The following PDE8A variants were observed in gnomAD, a reference collection of about 807,000 sequenced individuals.
PDE8A encodes the protein phosphodiesterase 8A.
In PDE8A, 59 loss-of-function variants were observed where a neutral mutation model predicts 105.0. That is an observed-to-expected ratio of 0.56 (90% CI 0.46 to 0.70). PDE8A has a LOEUF of 0.70. PDE8A is among the 30% of genes least tolerant of loss of function. The pLI is 0.00. For synonymous variants in PDE8A, 355 were observed against 371.9 expected (o/e 0.95, Z 0.52); for missense variants, 1,014 against 1,045.9 (o/e 0.97, Z 0.42).
At chr15:85,121,837 T>C (rs988414607) in intron 18 of PDE8A, among the ~76,000 whole-genome samples, 1 of 152,210 alleles carries the variant, frequency 6.6e-6, no homozygotes, top group Non-Finnish European at 1.5e-5. Flanking sequence ...CTCTATAGAT[T>C]TGCCATTTCT....
At chr15:85,031,700 T>C (rs2080617871) in intron 1 of PDE8A, among the ~76,000 whole-genome samples, 1 of 152,156 alleles carries the variant, frequency 6.6e-6, no homozygotes, top group Admixed American at 6.5e-5. Flanking sequence ...TCCTACTTTA[T>C]AGAGTTGATG....
intron 1 of PDE8A, among the ~76,000 whole-genome samples, chr15:84,996,279 G>A (rs547471118): frequency 1.8e-4 from 27 of 152,110 alleles, no homozygotes; most frequent in South Asian, 1.2e-3. Context: ...TTGGACTCAA[G>A]TGATCCTCCC....
At chr15:85,136,430 G>A in intron 20 of PDE8A, 104 bp from the exon 21 acceptor site, 1 of 1,254,002 alleles carries the variant, frequency 8.0e-7, no homozygotes, top group Non-Finnish European at 1.1e-6. Flanking sequence ...ACCATGACAA[G>A]CCACCTTAGG....
intron 1 of PDE8A, among the ~76,000 whole-genome samples, chr15:85,057,817 A>G (rs1412190702): frequency 6.6e-6 from 1 of 152,108 alleles, no homozygotes; most frequent in African/African-American, 2.4e-5. Context: ...TTTGTCCTTT[A>G]TTCTGTACAA....
intron 1 of PDE8A, among the ~76,000 whole-genome samples, chr15:84,983,401 C>T (rs2142134126): frequency 6.6e-6 from 1 of 152,242 alleles, no homozygotes; most frequent in South Asian, 2.1e-4. Context: ...GCTGAACCTC[C>T]GAAGTTTGAG....
At chr15:85,048,963 G>GT (rs1443817291) in intron 1 of PDE8A, among the ~76,000 whole-genome samples, 3 of 152,134 alleles carry the variant, frequency 2.0e-5, no homozygotes, top group African/African-American at 7.2e-5. Context: ...TTAGCCAGGC[G>GT]TGGTGGCTCA....
Position 85,024,795 on chromosome 15 carries a change from A to G in PDE8A, c.187-39575A>G, listed in dbSNP as rs1220267465. ...TGTTCATTCTAGTTTCTCTGCTTCT[A>G]GTGTGTCTCATGCTGGTGTTTGTTG... On this transcript the variant is annotated intron_variant, in intron 1 of 21. Coordinates refer to ENST00000394553, the MANE Select transcript of PDE8A (RefSeq NM_002605.3). Among the ~76,000 whole-genome samples the G allele has an allele frequency of 2.6e-5, 4 of 152,184 alleles. No individual in the cohort carries two copies. The South Asian group carries it at 6.2e-4, about 24-fold the overall frequency.
At position 85,088,304 on chromosome 15, in the gene PDE8A, C is replaced by T. The variant is rs976993973; in HGVS notation, c.636-1034C>T. On this transcript the variant is annotated intron_variant, in intron 6 of 21. Coordinates refer to ENST00000394553, the MANE Select transcript of PDE8A (RefSeq NM_002605.3). ...CCTCCCAAAGTGTTGGGATTAGGGGCATGAGCCACTACCCCCAGCCCAATC... is the reference window on the plus strand; with the variant it reads ...CCTCCCAAAGTGTTGGGATTAGGGGTATGAGCCACTACCCCCAGCCCAATC... 5.3e-5 allele frequency among the ~76,000 whole-genome samples: 8 copies of T among 152,312 alleles called. No homozygotes were observed. The East Asian group carries it at 1.5e-3, about 29-fold the overall frequency.
intron 17 of PDE8A, among the ~76,000 whole-genome samples, chr15:85,119,472 A>AAAAAAAAAAAAAAAAAAAAAC: frequency 6.7e-6 from 1 of 149,726 alleles, no homozygotes; most frequent in Non-Finnish European, 1.5e-5. Context: ...TCGTCTCAAA[A>AAAAAAAAAAAAAAAAAAAAAC]AAAAAAAAAC....
intron 1 of PDE8A, among the ~76,000 whole-genome samples, chr15:85,028,747 C>T (rs796389981): frequency 9.9e-5 from 15 of 151,958 alleles, no homozygotes; most frequent in African/African-American, 3.4e-4. Flanking sequence ...ACCTCCCACC[C>T]GACCCCTCCC....
intron 19 of PDE8A, 68 bp from the exon 20 acceptor site, chr15:85,126,139 G>T: frequency 1.7e-6 from 2 of 1,143,572 alleles, no homozygotes; most frequent in South Asian, 3.2e-5. Context: ...CAGTGGGACA[G>T]ACCAGTAAGA....
chr15:85,134,969 G>A (rs984739150), intron 20 of PDE8A, among the ~76,000 whole-genome samples: 9 of 152,228 alleles, frequency 5.9e-5, no homozygotes, highest in African/African-American at 1.9e-4. Context: ...CTCCACGCAA[G>A]TGCCGGAGCT....
chr15:85,091,020 G>T, intron 7 of PDE8A, 24 bp from the exon 8 acceptor site: 1 of 1,590,410 alleles, frequency 6.3e-7, no homozygotes, highest in Admixed American at 1.8e-5. Flanking sequence ...TTCACTTTAT[G>T]TTTTTTCTTT....
At chr15:85,045,105 TG>T (rs1567246565) in intron 1 of PDE8A, among the ~76,000 whole-genome samples, 1 of 152,182 alleles carries the variant, frequency 6.6e-6, no homozygotes. Context: ...ACCTCTTGCA[TG>T]GTTGGCTACT....
intron 1 of PDE8A, among the ~76,000 whole-genome samples, chr15:85,041,484 T>G (rs1596466852): frequency 6.6e-6 from 1 of 152,216 alleles, no homozygotes; most frequent in Admixed American, 6.5e-5. Context: ...CACATCCTCT[T>G]TGACAGTCTG....
At chr15:84,994,574 A>G (rs1329870445) in intron 1 of PDE8A, among the ~76,000 whole-genome samples, 1 of 152,202 alleles carries the variant, frequency 6.6e-6, no homozygotes, top group Non-Finnish European at 1.5e-5. Context: ...CAATGCCTGT[A>G]TTTTACATTA....
Position 84,982,043 on chromosome 15 carries a change from C to T in PDE8A, c.-120C>T. 4.1e-6 allele frequency: 2 copies of T among 482,066 alleles called. No homozygotes were observed. The highest frequency in any genetic ancestry group is 2.1e-5 in the African/African-American group (1 of 48,672). 29.9% of individuals were successfully genotyped at this position (482,066 alleles called of 1,614,324 possible). ...CGTTTCCTGACGCGAGATCCGCGCTCGCCGCCGCCCGCCCAGGCGGCGATG... is the reference window on the plus strand; with the variant it reads ...CGTTTCCTGACGCGAGATCCGCGCTTGCCGCCGCCCGCCCAGGCGGCGATG... On this transcript the variant is annotated 5_prime_UTR_variant, in exon 1 of 22. Transcript: ENST00000394553.
At chr15:85,136,689 T>C in intron 21 of PDE8A, 26 bp downstream of exon 21, 1 of 1,607,298 alleles carries the variant, frequency 6.2e-7, no homozygotes, top group Non-Finnish European at 8.5e-7. Context: ...TAAAATAGCA[T>C]ATTTTCCTCT....
chr15:85,039,124 GAAAAAA>G (rs35924887), intron 1 of PDE8A, among the ~76,000 whole-genome samples: 1 of 143,504 alleles, frequency 7.0e-6, no homozygotes, highest in Non-Finnish European at 1.5e-5. Flanking sequence ...TCCATCTCAA[GAAAAAA>G]AAAAAAAAGA....
Sources: allele counts gnomAD v4.1 joint callset (sites outside exome capture counted in the v4.1 genomes callset), GRCh38; gene constraint gnomAD v4.1.1; transcripts MANE v1.5; gene names NCBI Gene and HGNC (gene_info 2026-07-23, HGNC 2026-07-21).